The following CFAP157 variants were observed in gnomAD, a reference collection of about 807,000 sequenced individuals.
CFAP157 encodes the protein cilia and flagella associated protein 157, also known as cilia- and flagella-associated protein 157.
Under a neutral mutation model 57.8 loss-of-function variants are expected in CFAP157, and 43 were observed. The observed-to-expected ratio is 0.74, with a 90% confidence interval of 0.58 to 0.96. The LOEUF (loss-of-function observed/expected upper bound fraction) is 0.96. Ranked by LOEUF, CFAP157 falls within the 40% of genes least tolerant of loss-of-function variation. CFAP157 has a pLI of 0.00. For synonymous variants in CFAP157, 267 were observed against 269.0 expected (o/e 0.99, Z 0.07); for missense variants, 606 against 655.3 (o/e 0.92, Z 0.82).
In CFAP157 at chr9:127,709,019, C is replaced by T. The variant is rs568129814; in HGVS notation, c.162-403C>T. Among the ~76,000 whole-genome samples the T allele has an allele frequency of 1.3e-5, 2 of 152,326 alleles. No individual in the cohort carries two copies. The highest frequency in any genetic ancestry group is 1.3e-4 in the Admixed American group (2 of 15,304). On this transcript the variant is annotated intron_variant, in intron 1 of 8. Transcript: ENST00000373295. The surrounding 1 kb of genome is among the most constrained non-coding windows in gnomAD (Gnocchi z 4.7). ...TGTGCCACTTACAAACTCAGAGTTC[C>T]TTTATCCTTCTGAGCCTCAGTTTCC...
At chr9:127,712,589 G>A in intron 6 of CFAP157, 120 bp from the exon 7 acceptor site, 1 of 1,576,692 alleles carries the variant, frequency 6.3e-7, no homozygotes, top group Non-Finnish European at 8.6e-7. Context: ...ACTGAAGAAT[G>A]GGTATCCCAC....
chr9:127,707,176 G>C lies in CFAP157; in HGVS notation c.145G>C (p.Glu49Gln). 6.2e-7 allele frequency: 1 copy of C among 1,612,800 alleles called. No homozygotes were observed. The highest frequency in any genetic ancestry group is 1.1e-5 in the South Asian group (1 of 91,070). ...EFYHIQIRDL[E>Q]DRLARYQRKW... The stretch of plus-strand genomic sequence containing the variant: ...CTACCACATCCAGATCCGAGACCTG[G>C]AGGACCGGCTAGCCCGGTGCGTGGG... The change falls in exon 1 of 9, where the codon GAG becomes CAG. Residue 49 changes from glutamate to glutamine, a missense_variant. Glu to Gln is a conservative substitution (Grantham distance 29). Transcript: ENST00000373295.
rs771549697 is a variant in CFAP157, at chr9:127,714,439, G to C, written c.*534G>C. 6.2e-7 allele frequency: 1 copy of C among 1,614,138 alleles called. No individual in the cohort carries two copies. Among genetic ancestry groups the C allele is most frequent in the Admixed American group, 1.7e-5 (1 of 60,026 alleles). ...CATTGTGGCCCCTTCAAGGGATATG[G>C]GAGGGGCAGTTAGTGCCTCCCTGGG... is the stretch of plus-strand genomic sequence containing the variant. On this transcript the variant is annotated 3_prime_UTR_variant, in exon 9 of 9. Coordinates refer to ENST00000373295, the MANE Select transcript of CFAP157 (RefSeq NM_001012502.3).
In CFAP157 at chr9:127,715,056, C is replaced by A; in HGVS notation, c.*1151C>A. ...ACCAGTTGGGCATCCCCCAGCGGGG[C>A]CAGGGCGAGGTCGGCGGCACAGTGC... On this transcript the variant is annotated 3_prime_UTR_variant, in exon 9 of 9. Coordinates refer to ENST00000373295, the MANE Select transcript of CFAP157 (RefSeq NM_001012502.3). This position sits in a 1 kb window ranked among gnomAD's most constrained non-coding sequence, Gnocchi z 5.8. 1 of 1,526,508 alleles carries A rather than the reference C, an allele frequency of 6.6e-7. No individual in the cohort carries two copies. The highest frequency in any genetic ancestry group is 8.7e-7 in the Non-Finnish European group (1 of 1,143,004). The allele number at this position is 1,526,508 out of a possible 1,614,324, so 94.6% of individuals were successfully genotyped here.
At position 127,714,931 on chromosome 9, in the gene CFAP157, C is replaced by CCCCCCCCCCA; in HGVS notation, c.*1026_*1027insCCCCCCCCCA. Reference sequence around the variant, plus strand: ...CCTCTGGCCCCCGCGCCCCAACCCCCACCCCCTTGGCCCGCCCGCCCACCC... The same window carrying CCCCCCCCCCA: ...CCTCTGGCCCCCGCGCCCCAACCCCCCCCCCCCCCAACCCCCTTGGCCCGCCCGCCCACCC... On this transcript the variant is annotated 3_prime_UTR_variant, in exon 9 of 9. Transcript: ENST00000373295. 1 of 716,110 alleles carries CCCCCCCCCCA rather than the reference C, an allele frequency of 1.4e-6. No homozygotes were observed. 44.4% of individuals were successfully genotyped at this position (716,110 alleles called of 1,614,324 possible). A position where few individuals can be genotyped will look rare whatever the true frequency, so the allele number is the denominator to read the frequency against.
chr9:127,711,191 CTCTG>C, intron 3 of CFAP157, 34 bp from the exon 4 acceptor site: 4 of 1,600,884 alleles, frequency 2.5e-6, no homozygotes, highest in Non-Finnish European at 3.4e-6. Flanking sequence ...CTTGTGCCCG[CTCTG>C]TCTGACCCCT....
Position 127,714,917 on chromosome 9 carries a change from C to CCCCCCCCCCCCCCCCCCCCCCAA in CFAP157, c.*1012_*1013insCCCCCCCCCCCCCCCCCCCCCAA. 1.3e-6 allele frequency: 1 copy of CCCCCCCCCCCCCCCCCCCCCCAA among 799,020 alleles called. No homozygotes were observed. The highest frequency in any genetic ancestry group is 2.7e-5 in the East Asian group (1 of 37,154). 49.5% of individuals were successfully genotyped at this position (799,020 alleles called of 1,614,324 possible). A position where few individuals can be genotyped will look rare whatever the true frequency, so the allele number is the denominator to read the frequency against. On this transcript the variant is annotated 3_prime_UTR_variant, in exon 9 of 9. Transcript: ENST00000373295. Reference sequence around the variant, plus strand: ...ACAGCCAGTGCTCCCCTCTGGCCCCCGCGCCCCAACCCCCACCCCCTTGGC... The same window carrying CCCCCCCCCCCCCCCCCCCCCCAA: ...ACAGCCAGTGCTCCCCTCTGGCCCCCCCCCCCCCCCCCCCCCCCCCCAAGCGCCCCAACCCCCACCCCCTTGGC...
rs943634539 is a variant in CFAP157, at chr9:127,714,508, G to A, written c.*603G>A. 46 of 1,598,162 alleles carry A rather than the reference G, an allele frequency of 2.9e-5. No individual in the cohort carries two copies. Among genetic ancestry groups the A allele is most frequent in the Non-Finnish European group, 3.5e-5 (41 of 1,165,888 alleles). The stretch of plus-strand genomic sequence containing the variant: ...TCCCTGCCCCGGCTGGGTCAGAGCA[G>A]CCCATTTCCTGTGGAGACTGGGTCA... On this transcript the variant is annotated 3_prime_UTR_variant, in exon 9 of 9. Transcript: ENST00000373295.
intron 8 of CFAP157, 107 bp from the exon 9 acceptor site, chr9:127,713,727 G>C: frequency 2.2e-6 from 2 of 889,890 alleles, no homozygotes; most frequent in South Asian, 1.4e-5. Context: ...GGCTGGTCTC[G>C]AACTCCTGAC....
rs142899465 is a variant in CFAP157, at chr9:127,710,511, A to G, written c.434-90A>G. ...GACCACACAGGGCGCACAGGAAGGG[A>G]CAGGGACCTAAGGGGCATCTTTAAG... is the stretch of plus-strand genomic sequence containing the variant. On this transcript the variant is annotated intron_variant, in intron 2 of 8. Coordinates refer to ENST00000373295, the MANE Select transcript of CFAP157 (RefSeq NM_001012502.3). 3.8e-4 allele frequency: 554 copies of G among 1,468,044 alleles called. 4 individuals carry two copies. The African/African-American group carries it at 6.8e-3, about 18-fold the overall frequency. 90.9% of individuals were successfully genotyped at this position (1,468,044 alleles called of 1,614,324 possible). A position where few individuals can be genotyped will look rare whatever the true frequency, so the allele number is the denominator to read the frequency against.
intron 6 of CFAP157, 70 bp from the exon 7 acceptor site, chr9:127,712,639 T>G: frequency 6.2e-7 from 1 of 1,612,406 alleles, no homozygotes; most frequent in Non-Finnish European, 8.5e-7. Context: ...GCACTGAGGT[T>G]GGAATTTCCT....
At position 127,714,538 on chromosome 9, in the gene CFAP157, C is replaced by T; in HGVS notation, c.*633C>T. The T allele has an allele frequency of 1.9e-6, 3 of 1,590,422 alleles. No individual in the cohort carries two copies. Among genetic ancestry groups the T allele is most frequent in the Non-Finnish European group, 1.7e-6 (2 of 1,158,990 alleles). ...TTTCCTGTGGAGACTGGGTCAGCAGCCCTACTCCACCCCAACTGGGAGGCC... is the reference window on the plus strand; with the variant it reads ...TTTCCTGTGGAGACTGGGTCAGCAGTCCTACTCCACCCCAACTGGGAGGCC... On this transcript the variant is annotated 3_prime_UTR_variant, in exon 9 of 9. Coordinates refer to ENST00000373295, the MANE Select transcript of CFAP157 (RefSeq NM_001012502.3).
chr9:127,712,732 T>C lies in CFAP157; in HGVS notation c.1161T>C (p.Ser387=), dbSNP rs522328. ...AGATGCACCGCGATGAAGAGGACAGTGACGTTGACGTGACGTTCCAGCCAT... is the reference window on the plus strand; with the variant it reads ...AGATGCACCGCGATGAAGAGGACAGCGACGTTGACGTGACGTTCCAGCCAT... The part of the protein sequence containing the change: ...ILQMHRDEED[S]DVDVTFQPWH... The change falls in exon 7 of 9, where the codon AGT becomes AGC. Residue 387 remains serine, a synonymous_variant. Coordinates refer to ENST00000373295, the MANE Select transcript of CFAP157 (RefSeq NM_001012502.3). 0.58 allele frequency: 933,493 copies of C among 1,613,876 alleles called. 275,288 individuals are homozygous for C. The highest frequency in any genetic ancestry group is 0.86 in the African/African-American group (64,234 of 74,980).
Position 127,714,734 on chromosome 9 carries a change from T to C in CFAP157, c.*829T>C, listed in dbSNP as rs779499897. On this transcript the variant is annotated 3_prime_UTR_variant, in exon 9 of 9. Transcript: ENST00000373295. ...ACAGGGAAACGGCAGCCCTGGTTAC[T>C]GCCCATCTGCCCAGAGAGGCACTGT... The C allele has an allele frequency of 1.9e-6, 3 of 1,543,780 alleles. No homozygotes were observed. Among genetic ancestry groups the C allele is most frequent in the Admixed American group, 1.8e-5 (1 of 55,420 alleles).
Position 127,715,114 on chromosome 9 carries a change from C to A in CFAP157, c.*1209C>A. ...GCGTCCAACTCTCCGCCACACCCAGCCGCCGCGCCAGCTGCCCCAGCACCG... is the reference window on the plus strand; with the variant it reads ...GCGTCCAACTCTCCGCCACACCCAGACGCCGCGCCAGCTGCCCCAGCACCG... On this transcript the variant is annotated 3_prime_UTR_variant, in exon 9 of 9. Transcript: ENST00000373295. This position sits in a 1 kb window ranked among gnomAD's most constrained non-coding sequence, Gnocchi z 5.8. 6.5e-7 allele frequency: 1 copy of A among 1,534,342 alleles called. No homozygotes were observed. Among genetic ancestry groups the A allele is most frequent in the Non-Finnish European group, 8.7e-7 (1 of 1,146,080 alleles).
At position 127,709,471 on chromosome 9, in the gene CFAP157, CA is replaced by C; in HGVS notation, c.212del (p.Gln71ArgfsTer40). On this transcript the variant is annotated frameshift_variant, in exon 2 of 9. Transcript: ENST00000373295. LOFTEE classifies it high-confidence loss of function. This position sits in a 1 kb window ranked among gnomAD's most constrained non-coding sequence, Gnocchi z 4.7. ...ELAVQEKMFRQEFEQLANNKK... is the reference protein window; with the variant it reads ...ELAVQEKMFRXEFEQLANNKK... ...GGCTGTGCAGGAGAAGATGTTCCGCCAGGAGTTTGAGCAGCTGGCCAATAAC... is the reference window on the plus strand; with the variant it reads ...GGCTGTGCAGGAGAAGATGTTCCGCCGGAGTTTGAGCAGCTGGCCAATAAC... 1.9e-6 allele frequency: 3 copies of C among 1,614,016 alleles called. No individual in the cohort carries two copies. The highest frequency in any genetic ancestry group is 2.2e-5 in the South Asian group (2 of 91,088).
chr9:127,713,468 A>G, intron 8 of CFAP157: 1 of 365,868 alleles, frequency 2.7e-6, no homozygotes, highest in Non-Finnish European at 4.8e-6. Flanking sequence ...CCCCCTGAAG[A>G]GGCCTCAGCT....
intron 1 of CFAP157, among the ~76,000 whole-genome samples, chr9:127,708,924 G>A (rs910896339): frequency 2.6e-5 from 4 of 152,250 alleles, no homozygotes; most frequent in Non-Finnish European, 4.4e-5. Flanking sequence ...AGAGCTGGCC[G>A]ACTGCAGCAG....
At position 127,715,836 on chromosome 9, in the gene CFAP157, A is replaced by G. The variant is rs1842968031; in HGVS notation, c.*1931A>G. The G allele has an allele frequency of 2.7e-6, 3 of 1,104,742 alleles. No homozygotes were observed. Among genetic ancestry groups the G allele is most frequent in the East Asian group, 2.6e-5 (1 of 38,980 alleles). The allele number at this position is 1,104,742 out of a possible 1,614,324, so 68.4% of individuals were successfully genotyped here. On this transcript the variant is annotated 3_prime_UTR_variant, in exon 9 of 9. Coordinates refer to ENST00000373295, the MANE Select transcript of CFAP157 (RefSeq NM_001012502.3). The surrounding 1 kb of genome is among the most constrained non-coding windows in gnomAD (Gnocchi z 5.8). ...GGCGCCTTCAGTAGCGCGGCGTCAC[A>G]GTGTCCCTTCGGGACTTGTGTGGGA...
Sources: allele counts gnomAD v4.1 joint callset (sites outside exome capture counted in the v4.1 genomes callset), GRCh38; gene constraint gnomAD v4.1.1; non-coding constraint Gnocchi (gnomAD v3.1); transcripts MANE v1.5; gene names NCBI Gene and HGNC (gene_info 2026-07-23, HGNC 2026-07-21).